MMAB: variants seen among roughly 807,000 people sequenced by gnomAD.
The protein encoded by MMAB is corrinoid adenosyltransferase MMAB.
MMAB carries 17 observed loss-of-function variants against 30.6 expected under a neutral mutation model. The ratio of observed to expected loss-of-function variants is 0.56; its 90% CI spans 0.38 to 0.83. The LOEUF (loss-of-function observed/expected upper bound fraction) is 0.83. Ranked by LOEUF, MMAB falls within the 40% of genes least tolerant of loss-of-function variation. MMAB has a pLI of 0.00. For synonymous variants in MMAB, 134 were observed against 138.6 expected, an observed-to-expected ratio of 0.97 and a Z score of 0.23; for missense variants, 311 against 331.6, an observed-to-expected ratio of 0.94 and a Z score of 0.48.
chr12:109,554,095 G>C lies in MMAB; in HGVS notation c.*2933C>G. The stretch of plus-strand genomic sequence containing the variant: ...ATTAAAACGACTGTCAAGCGGCAGT[G>C]GGTGGGAGCTGAGGAGCACGGGGCT... On this transcript the variant is annotated 3_prime_UTR_variant, in exon 9 of 9. Transcript: ENST00000545712. 4 of 454,146 alleles carry C rather than the reference G, an allele frequency of 8.8e-6. No homozygotes were observed. Among genetic ancestry groups the C allele is most frequent in the Non-Finnish European group, 1.8e-5 (4 of 226,792 alleles). The allele number at this position is 454,146 out of a possible 1,614,324, so 28.1% of individuals were successfully genotyped here.
rs1220992995 is a variant in MMAB, at chr12:109,561,411, AG to A, written c.519+8del. The A allele has an allele frequency of 6.5e-7, 1 of 1,549,920 alleles. No individual in the cohort carries two copies. Among genetic ancestry groups the A allele is most frequent in the South Asian group, 1.2e-5 (1 of 84,052 alleles). ...CAGCCGCCCCCGGTTAAGCCTGCCC[AG>A]TACCTACAGGCAGGATGAAGGCCGT... is the stretch of plus-strand genomic sequence containing the variant. On this transcript the variant is annotated splice_region_variant and intron_variant, in intron 6 of 8. Coordinates refer to ENST00000545712, the MANE Select transcript of MMAB (RefSeq NM_052845.4). This position sits in a 1 kb window ranked among gnomAD's most constrained non-coding sequence, Gnocchi z 5.3.
Position 109,561,396 on chromosome 12 carries a change from C to G in MMAB, c.519+24G>C, listed in dbSNP as rs932446735. ...CACTGAACCTGCCTGCAGCCGCCCC[C>G]GGTTAAGCCTGCCCAGTACCTACAG... On this transcript the variant is annotated intron_variant, in intron 6 of 8. Transcript: ENST00000545712. The surrounding 1 kb of genome is among the most constrained non-coding windows in gnomAD (Gnocchi z 5.3). 6.5e-7 allele frequency: 1 copy of G among 1,548,702 alleles called. No homozygotes were observed.
At chr12:109,566,879 T>A in intron 3 of MMAB, 1 of 429,416 alleles carries the variant, frequency 2.3e-6, no homozygotes, top group Non-Finnish European at 4.7e-6. Context: ...TGGCCTTTTC[T>A]CCCTTTGCCC....
rs746823302 is a variant in MMAB at position 109,555,275 on chromosome 12, G to GT, written c.*1752dup. 16,417 of 333,136 alleles carry GT rather than the reference G, an allele frequency of 0.049. 53 individuals carry two copies. The highest frequency in any genetic ancestry group is 0.071 in the South Asian group (3,521 of 49,860). 20.6% of individuals were successfully genotyped at this position (333,136 alleles called of 1,614,324 possible). On this transcript the variant is annotated 3_prime_UTR_variant, in exon 9 of 9. Transcript: ENST00000545712. ...GAGCCTTAGTGATTGCGTTTTCAGG[G>GT]TTTTTTTTTTTTTTTTTTTTTTTTT...
chr12:109,566,272 C>T (rs561672567), intron 3 of MMAB, among the ~76,000 whole-genome samples: 12 of 152,364 alleles, frequency 7.9e-5, no homozygotes, highest in African/African-American at 2.6e-4. Context: ...CGAGGTGGCA[C>T]AGCCACCAGG....
intron 8 of MMAB, 84 bp downstream of exon 8, chr12:109,559,012 G>T: frequency 9.8e-7 from 1 of 1,025,298 alleles, no homozygotes; most frequent in Non-Finnish European, 1.5e-6. Flanking sequence ...GCCCCACACT[G>T]CTTCCCGGAC....
At chr12:109,565,041 ACTGGTGG>A in intron 4 of MMAB, 71 bp downstream of exon 4, 1 of 1,070,376 alleles carries the variant, frequency 9.3e-7, no homozygotes, top group Non-Finnish European at 1.5e-6. Flanking sequence ...ACAAAGAGTA[ACTGGTGG>A]CTGGATGCTG....
Position 109,572,027 on chromosome 12 carries a change from T to A in MMAB, c.135-317A>T, listed in dbSNP as rs538156606. Among the ~76,000 whole-genome samples, 60 of 152,294 alleles carry A rather than the reference T, an allele frequency of 3.9e-4. 3 individuals are homozygous for A. In the South Asian group the frequency reaches 0.012, roughly 31 times the overall value. ...ATTGTCCCTGCACTGTGCCAAGTAG[T>A]TTACAGGCATTATCTTCTGGAATTA... is the stretch of plus-strand genomic sequence containing the variant. On this transcript the variant is annotated intron_variant, in intron 1 of 8. Coordinates refer to ENST00000545712, the MANE Select transcript of MMAB (RefSeq NM_052845.4).
chr12:109,555,438 A>G lies in MMAB; in HGVS notation c.*1590T>C, dbSNP rs1437107386. 1 of 395,800 alleles carries G rather than the reference A, an allele frequency of 2.5e-6. No individual in the cohort carries two copies. Among genetic ancestry groups the G allele is most frequent in the Non-Finnish European group, 4.8e-6 (1 of 209,006 alleles). 24.5% of individuals were successfully genotyped at this position (395,800 alleles called of 1,614,324 possible). A position where few individuals can be genotyped will look rare whatever the true frequency, so the allele number is the denominator to read the frequency against. ...GCTGGGATTACAGGCACCCGCCACC[A>G]TGCCCAGCTAATTTTTTTTTTTTTT... is the stretch of plus-strand genomic sequence containing the variant. On this transcript the variant is annotated 3_prime_UTR_variant, in exon 9 of 9. Transcript: ENST00000545712.
chr12:109,554,474 A>G lies in MMAB; in HGVS notation c.*2554T>C, dbSNP rs1280785888. The G allele has an allele frequency of 2.2e-6, 1 of 454,136 alleles. No homozygotes were observed. Among genetic ancestry groups the G allele is most frequent in the South Asian group, 1.6e-5 (1 of 64,480 alleles). 28.1% of individuals were successfully genotyped at this position (454,136 alleles called of 1,614,324 possible). A position where few individuals can be genotyped will look rare whatever the true frequency, so the allele number is the denominator to read the frequency against. On this transcript the variant is annotated 3_prime_UTR_variant, in exon 9 of 9. Coordinates refer to ENST00000545712, the MANE Select transcript of MMAB (RefSeq NM_052845.4). ...AGGGATCGAGTAGTATTTGTGTGCA[A>G]TATTTTCCAAAATCAAATTATGAAA...
rs1052250377 is a variant in MMAB, at chr12:109,569,082, A to T, written c.197-219T>A. ...TGCCTCAGTCTCCCAAGTAGCTGGG[A>T]TTACAAGTGTGTACCACCATGCCCG... On this transcript the variant is annotated intron_variant, in intron 2 of 8. Coordinates refer to ENST00000545712, the MANE Select transcript of MMAB (RefSeq NM_052845.4). This position sits in a 1 kb window ranked among gnomAD's most constrained non-coding sequence, Gnocchi z 4.1. Among the ~76,000 whole-genome samples the T allele has an allele frequency of 6.6e-6, 1 of 152,120 alleles. No homozygotes were observed. Among genetic ancestry groups the T allele is most frequent in the Admixed American group, 6.6e-5 (1 of 15,266 alleles).
intron 7 of MMAB, among the ~76,000 whole-genome samples, chr12:109,559,689 T>C (rs1884122720): frequency 6.6e-6 from 1 of 152,208 alleles, no homozygotes; most frequent in Admixed American, 6.5e-5. Context: ...TGGACGGCCA[T>C]CTGCTGGGCA....
chr12:109,571,862 C>T (rs1190152507), intron 1 of MMAB, 152 bp from the exon 2 acceptor site: 2 of 714,758 alleles, frequency 2.8e-6, no homozygotes, highest in East Asian at 2.7e-5. Context: ...ATTTCTTTCC[C>T]CTAGATCCTT....
At chr12:109,563,380 G>A (rs1412483468) in intron 4 of MMAB, among the ~76,000 whole-genome samples, 1 of 152,228 alleles carries the variant, frequency 6.6e-6, no homozygotes, top group Admixed American at 6.5e-5. Context: ...TGAAATGGGT[G>A]ATATGAGGAA....
chr12:109,567,380 G>A (rs953820698), intron 3 of MMAB, among the ~76,000 whole-genome samples: 6 of 152,076 alleles, frequency 3.9e-5, no homozygotes, highest in South Asian at 4.2e-4. Flanking sequence ...AATCAGCAGC[G>A]GTGCTGAAAA....
In MMAB at chr12:109,560,186, A is replaced by G. The variant is rs76926507; in HGVS notation, c.584+854T>C. On this transcript the variant is annotated intron_variant, in intron 7 of 8. Coordinates refer to ENST00000545712, the MANE Select transcript of MMAB (RefSeq NM_052845.4). The stretch of plus-strand genomic sequence containing the variant: ...CTATCTGGGCCCGAGAGCCTTTCAT[A>G]AAGAACAAAACCTTAGTGGTGTGGG... 7.3e-3 allele frequency among the ~76,000 whole-genome samples: 1,116 copies of G among 152,314 alleles called. 19 individuals are homozygous for G. The highest frequency in any genetic ancestry group is 0.026 in the African/African-American group (1,061 of 41,564).
rs752309050 is a variant in MMAB at position 109,554,495 on chromosome 12, T to C, written c.*2533A>G. 91 of 453,988 alleles carry C rather than the reference T, an allele frequency of 2.0e-4. 1 individual carries two copies. Among genetic ancestry groups the C allele is most frequent in the Middle Eastern group, 1.4e-3 (2 of 1,466 alleles). The allele number at this position is 453,988 out of a possible 1,614,324, so 28.1% of individuals were successfully genotyped here. A position where few individuals can be genotyped will look rare whatever the true frequency, so the allele number is the denominator to read the frequency against. On this transcript the variant is annotated 3_prime_UTR_variant, in exon 9 of 9. Coordinates refer to ENST00000545712, the MANE Select transcript of MMAB (RefSeq NM_052845.4). ...TGCAATATTTTCCAAAATCAAATTA[T>C]GAAAAAAATCTACGATAAGCAAGGG... is the stretch of plus-strand genomic sequence containing the variant.
intron 2 of MMAB, among the ~76,000 whole-genome samples, chr12:109,570,555 A>ATGCTTT (rs1160569376): frequency 6.6e-6 from 1 of 152,182 alleles, no homozygotes; most frequent in African/African-American, 2.4e-5. Context: ...AGTGGTCTGC[A>ATGCTTT]TGCTTTTGTA....
intron 7 of MMAB, among the ~76,000 whole-genome samples, chr12:109,560,592 AG>A (rs1158704158): frequency 6.6e-6 from 1 of 152,232 alleles, no homozygotes; most frequent in East Asian, 1.9e-4. Context: ...GGCTCCCCAC[AG>A]CCATGCAGGC....
Sources: allele counts gnomAD v4.1 joint callset (sites outside exome capture counted in the v4.1 genomes callset), GRCh38; gene constraint gnomAD v4.1.1; non-coding constraint Gnocchi (gnomAD v3.1); transcripts MANE v1.5; gene names NCBI Gene and HGNC (gene_info 2026-07-23, HGNC 2026-07-21).